The following VPS54 variants were observed in gnomAD, a reference collection of about 807,000 sequenced individuals.
The protein encoded by VPS54 is vacuolar protein sorting-associated protein 54.
VPS54 carries 45 observed loss-of-function variants against 121.5 expected under a neutral mutation model. The ratio of observed to expected loss-of-function variants is 0.37; its 90% CI spans 0.29 to 0.47. The LOEUF (loss-of-function observed/expected upper bound fraction) is 0.47, where lower values mean the gene tolerates loss of function less well. VPS54 is among the 20% of genes least tolerant of loss of function. The pLI is 0.99. For synonymous variants in VPS54, 371 were observed against 385.8 expected (o/e 0.96, Z 0.45); for missense variants, 1,090 against 1,131.4 (o/e 0.96, Z 0.52).
At chr2:63,935,078 G>A (rs1275554252) in intron 11 of VPS54, among the ~76,000 whole-genome samples, 1 of 152,080 alleles carries the variant, frequency 6.6e-6, no homozygotes, top group Non-Finnish European at 1.5e-5. Flanking sequence ...ACCACAATCT[G>A]AGCTTAATTA....
At chr2:63,909,269 T>C (rs1488189137) in intron 20 of VPS54, among the ~76,000 whole-genome samples, 2 of 152,200 alleles carry the variant, frequency 1.3e-5, no homozygotes, top group Non-Finnish European at 2.9e-5. Flanking sequence ...GTATCCCTGA[T>C]ACTGAACAAA....
intron 5 of VPS54, among the ~76,000 whole-genome samples, chr2:63,968,017 T>C (rs1373230631): frequency 6.6e-6 from 1 of 152,198 alleles, no homozygotes; most frequent in Non-Finnish European, 1.5e-5. Context: ...AAAGATTACA[T>C]GAAGTGAACA....
At chr2:64,012,513 G>A (rs1326720805) in intron 1 of VPS54, among the ~76,000 whole-genome samples, 3 of 143,086 alleles carry the variant, frequency 2.1e-5, no homozygotes, top group Non-Finnish European at 4.5e-5. Flanking sequence ...ATATCCAAAT[G>A]TACCTAATTC....
In VPS54 at chr2:63,968,939, A is replaced by G. The variant is rs751315274; in HGVS notation, c.492+18T>C. On this transcript the variant is annotated intron_variant, in intron 5 of 22. Coordinates refer to ENST00000272322, the MANE Select transcript of VPS54 (RefSeq NM_016516.3). ...TCAAATATTATAAGGCAATTTTCTC[A>G]TGTTTAAGCTTTGTTACCTTAGGTA... 1.3e-6 allele frequency: 2 copies of G among 1,591,074 alleles called. No individual in the cohort carries two copies. Among genetic ancestry groups the G allele is most frequent in the Non-Finnish European group, 1.7e-6 (2 of 1,171,152 alleles).
chr2:63,912,090 T>A (rs1375517604), intron 20 of VPS54, among the ~76,000 whole-genome samples: 2 of 152,160 alleles, frequency 1.3e-5, no homozygotes, highest in Non-Finnish European at 2.9e-5. Context: ...GTTTTGGAAA[T>A]CCGAAAATTT....
At chr2:64,006,577 C>T (rs1407420502) in intron 1 of VPS54, among the ~76,000 whole-genome samples, 1 of 152,130 alleles carries the variant, frequency 6.6e-6, no homozygotes, top group African/African-American at 2.4e-5. Context: ...TAGCATAATA[C>T]TTGGTACATA....
intron 3 of VPS54, chr2:63,975,102 G>A (rs1356590081): frequency 2.7e-6 from 4 of 1,455,592 alleles, no homozygotes; most frequent in Non-Finnish European, 3.7e-6. Context: ...CTGTAGTGCA[G>A]TGGCGTGATC....
At chr2:63,996,601 C>T (rs1300338466) in intron 1 of VPS54, among the ~76,000 whole-genome samples, 5 of 152,154 alleles carry the variant, frequency 3.3e-5, no homozygotes, top group South Asian at 4.1e-4. Flanking sequence ...TTGCCAAAAA[C>T]GAGTAAGAGA....
intron 20 of VPS54, among the ~76,000 whole-genome samples, chr2:63,909,787 C>T (rs1353570820): frequency 2.1e-5 from 3 of 144,308 alleles, no homozygotes; most frequent in African/African-American, 7.6e-5. Context: ...TGCAATGGTG[C>T]CATCTCGGCT....
chr2:63,906,488 A>G (rs1672908544), intron 20 of VPS54, among the ~76,000 whole-genome samples: 1 of 152,232 alleles, frequency 6.6e-6, no homozygotes, highest in Admixed American at 6.5e-5. Context: ...GAAAAATACA[A>G]AATTTTGATC....
chr2:63,965,942 A>C lies in VPS54; in HGVS notation c.517T>G (p.Leu173Val). The C allele has an allele frequency of 6.2e-7, 1 of 1,608,306 alleles. No individual in the cohort carries two copies. Among genetic ancestry groups the C allele is most frequent in the Non-Finnish European group, 8.5e-7 (1 of 1,178,552 alleles). ...PKIFMKPDFA[L>V]DDSLTFNSVL... ...GAATTAAAAGTTAAGGAATCATCCA[A>C]GGCAAAATCTGGTTTCATAAAAATC... Residue 173 changes from leucine (L) to valine (V), a missense_variant, in exon 6 of 23, where the codon TTG becomes GTG. Transcript: ENST00000272322.
At chr2:63,938,136 GGC>G (rs1674552371) in intron 11 of VPS54, among the ~76,000 whole-genome samples, 1 of 151,324 alleles carries the variant, frequency 6.6e-6, no homozygotes, top group African/African-American at 2.4e-5. Flanking sequence ...ATGTGTGCGT[GGC>G]TGTGTGTGTG....
At chr2:63,968,191 CAGAAAAAAA>C (rs1233332848) in intron 5 of VPS54, among the ~76,000 whole-genome samples, 2 of 151,824 alleles carry the variant, frequency 1.3e-5, no homozygotes, top group Admixed American at 1.3e-4. Flanking sequence ...ACTCTCTTCC[CAGAAAAAAA>C]TGGATTATAC....
At chr2:63,940,735 T>G (rs1010147386) in intron 11 of VPS54, among the ~76,000 whole-genome samples, 3 of 142,616 alleles carry the variant, frequency 2.1e-5, no homozygotes, top group African/African-American at 7.3e-5. Flanking sequence ...TTCAAAAAAT[T>G]TCTGGCAAAA....
intron 11 of VPS54, among the ~76,000 whole-genome samples, chr2:63,938,059 G>GTGGTGTGTGTGTGTGTGTGTGTGT (rs9309357): frequency 1.4e-5 from 2 of 140,384 alleles, no homozygotes; most frequent in African/African-American, 5.6e-5. Flanking sequence ...TGGTGTGTGT[G>GTGGTGTGTGTGTGTGTGTGTGTGT]GTGTGTGTGT....
At chr2:63,944,880 A>T (rs1297349455) in intron 9 of VPS54, among the ~76,000 whole-genome samples, 2 of 152,182 alleles carry the variant, frequency 1.3e-5, no homozygotes, top group Non-Finnish European at 2.9e-5. Context: ...CTAAAAAGTC[A>T]ACAATAACAG....
intron 3 of VPS54, chr2:63,974,928 C>T: frequency 1.4e-6 from 2 of 1,468,488 alleles, no homozygotes; most frequent in South Asian, 1.4e-5. Flanking sequence ...TTTCTTATTA[C>T]ATTAGTTAGG....
chr2:63,932,652 T>TA (rs770433517), intron 12 of VPS54, among the ~76,000 whole-genome samples: 1,917 of 126,500 alleles, frequency 0.015, 13 homozygotes, highest in African/African-American at 0.018. Context: ...ACTTAAAGTA[T>TA]AAAAAAAAAA....
Position 64,016,201 on chromosome 2 carries a change from C to T in VPS54, c.-21+2737G>A, listed in dbSNP as rs147552330. ...AATGCCCACTTTTACTTATTGATTC[C>T]GAGCTGACCAAACTACCTCTTGAGG... On this transcript the variant is annotated intron_variant, in intron 1 of 22. Coordinates refer to ENST00000272322, the MANE Select transcript of VPS54 (RefSeq NM_016516.3). Among the ~76,000 whole-genome samples, 1,314 of 152,272 alleles carry T rather than the reference C, an allele frequency of 8.6e-3. 5 individuals are homozygous for T. The highest frequency in any genetic ancestry group is 0.013 in the Non-Finnish European group (855 of 68,020).
Sources: allele counts gnomAD v4.1 joint callset (sites outside exome capture counted in the v4.1 genomes callset), GRCh38; gene constraint gnomAD v4.1.1; transcripts MANE v1.5; gene names NCBI Gene and HGNC (gene_info 2026-07-23, HGNC 2026-07-21).